The following DNM1L variants were observed in gnomAD, a reference collection of about 807,000 sequenced individuals.
DNM1L encodes the protein dynamin 1L, also known as dynamin-1-like protein.
Under a neutral mutation model 92.8 loss-of-function variants are expected in DNM1L, and 33 were observed. That is an observed-to-expected ratio of 0.36 (90% CI 0.27 to 0.48). The LOEUF (loss-of-function observed/expected upper bound fraction) is 0.48, where lower values mean the gene tolerates loss of function less well. Among genes scored for constraint, DNM1L ranks in the 20% least tolerant of loss-of-function variants. The pLI, the probability that DNM1L is intolerant of heterozygous loss-of-function variation, is 0.99. For synonymous variants in DNM1L, 284 were observed against 305.0 expected, an observed-to-expected ratio of 0.93 and a Z score of 0.72; for missense variants, 485 against 888.8, an observed-to-expected ratio of 0.55 and a Z score of 5.78.
At position 32,743,768 on chromosome 12, in the gene DNM1L, C is replaced by G. The variant is rs1955476920; in HGVS notation, c.*358C>G. 2 of 263,962 alleles carry G rather than the reference C, an allele frequency of 7.6e-6. No individual in the cohort carries two copies. The highest frequency in any genetic ancestry group is 1.1e-4 in the South Asian group (2 of 18,002). 16.4% of individuals were successfully genotyped at this position (263,962 alleles called of 1,614,324 possible). Reference sequence around the variant, plus strand: ...ATCTTTGTTAGTAGTCTTAAAGCTGCTGCCATAGTCCTCCAAGAAGAAAGC... The same window carrying G: ...ATCTTTGTTAGTAGTCTTAAAGCTGGTGCCATAGTCCTCCAAGAAGAAAGC... On this transcript the variant is annotated 3_prime_UTR_variant, in exon 20 of 20. Coordinates refer to ENST00000549701, the MANE Select transcript of DNM1L (RefSeq NM_012062.5).
intron 1 of DNM1L, among the ~76,000 whole-genome samples, chr12:32,698,836 A>G (rs1952577197): frequency 6.6e-6 from 1 of 152,070 alleles, no homozygotes; most frequent in Non-Finnish European, 1.5e-5. Flanking sequence ...GTAATTGGAT[A>G]TTGGTATTGT....
intron 1 of DNM1L, among the ~76,000 whole-genome samples, chr12:32,689,506 A>G (rs1230577172): frequency 1.3e-5 from 2 of 152,220 alleles, no homozygotes; most frequent in Non-Finnish European, 2.9e-5. Flanking sequence ...GCTGTTTTAA[A>G]TACCATAAGA....
intron 13 of DNM1L, 151 bp from the exon 14 acceptor site, chr12:32,736,954 A>C (rs566581320): frequency 1.4e-6 from 1 of 735,958 alleles, no homozygotes; most frequent in South Asian, 1.8e-5. Flanking sequence ...TTTCTTATTT[A>C]TTTTAAAATA....
intron 6 of DNM1L, among the ~76,000 whole-genome samples, chr12:32,716,797 C>T (rs1953402272): frequency 6.9e-6 from 1 of 145,496 alleles, no homozygotes; most frequent in Non-Finnish European, 1.5e-5. Flanking sequence ...TTTCACTACC[C>T]ATCTGAGAAA....
chr12:32,692,137 T>C (rs994941068), intron 1 of DNM1L, among the ~76,000 whole-genome samples: 6 of 152,148 alleles, frequency 3.9e-5, no homozygotes, highest in Non-Finnish European at 7.4e-5. Flanking sequence ...TTTTTCTTTT[T>C]GGGTGGTGAT....
chr12:32,722,642 G>T lies in DNM1L; in HGVS notation c.1079+9G>T. 6.2e-7 allele frequency: 1 copy of T among 1,607,288 alleles called. No individual in the cohort carries two copies. The highest frequency in any genetic ancestry group is 8.5e-7 in the Non-Finnish European group (1 of 1,176,362). On this transcript the variant is annotated intron_variant, in intron 9 of 19. Coordinates refer to ENST00000549701, the MANE Select transcript of DNM1L (RefSeq NM_012062.5). ...ATTGAAACTTCGGAGCTGTAAGTAA[G>T]AAATTTTTCTGTAGATTTGGTTACC...
intron 14 of DNM1L, 117 bp from the exon 15 acceptor site, chr12:32,737,748 C>G: frequency 2.5e-6 from 2 of 801,142 alleles, no homozygotes; most frequent in Non-Finnish European, 4.3e-6. Flanking sequence ...TGATTATTTT[C>G]ATCTTTCATG....
At chr12:32,725,468 G>A (rs1377341331) in intron 9 of DNM1L, 1 of 152,152 alleles carries the variant, frequency 6.6e-6, no homozygotes, top group Non-Finnish European at 1.5e-5. Context: ...CCTCACTGTG[G>A]TACCAGTAAC....
rs1319273972 is a variant in DNM1L at position 32,720,725 on chromosome 12, T to C, written c.802T>C (p.Phe268Leu). 1 of 1,613,926 alleles carries C rather than the reference T, an allele frequency of 6.2e-7. No individual in the cohort carries two copies. The highest frequency in any genetic ancestry group is 8.5e-7 in the Non-Finnish European group (1 of 1,179,914). The change falls in exon 8 of 20, where the codon TTT (phenylalanine) becomes CTT (leucine). Residue 268 changes from phenylalanine (F) to leucine (L), a missense_variant. This residue lies in a region of DNM1L where 159 missense variants were observed against 275.9 expected (regional missense o/e 0.58). Coordinates refer to ENST00000549701, the MANE Select transcript of DNM1L (RefSeq NM_012062.5). Reference sequence around the variant, plus strand: ...TGATTCAATCCGTGATGAGTATGCTTTTCTTCAAAAGAAATATCCATCTCT... The same window carrying C: ...TGATTCAATCCGTGATGAGTATGCTCTTCTTCAAAAGAAATATCCATCTCT... ...VTDSIRDEYA[F>L]LQKKYPSLAN...
At chr12:32,694,667 A>G (rs913096514) in intron 1 of DNM1L, among the ~76,000 whole-genome samples, 3 of 152,226 alleles carry the variant, frequency 2.0e-5, no homozygotes, top group Non-Finnish European at 1.5e-5. Context: ...AAAACAGAAC[A>G]AATAGGATAG....
At chr12:32,737,369 A>C (rs1227922761) in intron 14 of DNM1L, 3 of 546,512 alleles carry the variant, frequency 5.5e-6, no homozygotes, top group East Asian at 6.2e-5. Context: ...TAAATGCTTA[A>C]AAGTAGATTT....
chr12:32,732,291 G>A (rs1224810691), intron 12 of DNM1L, among the ~76,000 whole-genome samples: 1 of 152,186 alleles, frequency 6.6e-6, no homozygotes, highest in Non-Finnish European at 1.5e-5. Context: ...TCAGTAAACT[G>A]AGCATTTATA....
intron 19 of DNM1L, 49 bp downstream of exon 19, chr12:32,742,797 T>C: frequency 1.9e-6 from 3 of 1,601,592 alleles, no homozygotes; most frequent in Non-Finnish European, 8.5e-7. Flanking sequence ...GATAGAAACA[T>C]AGAAATAGTT....
Position 32,745,283 on chromosome 12 carries a change from G to A in DNM1L, c.*1873G>A. On this transcript the variant is annotated 3_prime_UTR_variant, in exon 20 of 20. Coordinates refer to ENST00000549701, the MANE Select transcript of DNM1L (RefSeq NM_012062.5). ...ATTCTAGTCCTTTGAATTTGTAAGG[G>A]GAAAAAAAACAAAAACAAAAACTTA... 9 of 205,222 alleles carry A rather than the reference G, an allele frequency of 4.4e-5. No homozygotes were observed. The highest frequency in any genetic ancestry group is 2.0e-3 in the Middle Eastern group (1 of 506). The allele number at this position is 205,222 out of a possible 1,614,324, so 12.7% of individuals were successfully genotyped here. A position where few individuals can be genotyped will look rare whatever the true frequency, so the allele number is the denominator to read the frequency against.
chr12:32,680,513 C>CGTTTGTTT (rs146651850), intron 1 of DNM1L, among the ~76,000 whole-genome samples: 5 of 151,972 alleles, frequency 3.3e-5, no homozygotes, highest in African/African-American at 1.2e-4. Flanking sequence ...ACCCTGTACT[C>CGTTTGTTT]GTTTGTTTGT....
chr12:32,685,097 G>A (rs1951953521), intron 1 of DNM1L, among the ~76,000 whole-genome samples: 1 of 150,390 alleles, frequency 6.6e-6, no homozygotes, highest in Non-Finnish European at 1.5e-5. Flanking sequence ...CCGCTACCAC[G>A]CCCAGCTAAT....
intron 1 of DNM1L, among the ~76,000 whole-genome samples, chr12:32,681,725 A>G (rs2137194671): frequency 6.6e-6 from 1 of 151,340 alleles, no homozygotes; most frequent in African/African-American, 2.4e-5. Flanking sequence ...ACATATATGT[A>G]TACCTCACAT....
At chr12:32,727,380 A>T (rs1168146622) in intron 9 of DNM1L, 3 of 776,094 alleles carry the variant, frequency 3.9e-6, no homozygotes, top group Non-Finnish European at 7.2e-6. Flanking sequence ...CCATGTTGTA[A>T]GAACTCCAAA....
intron 3 of DNM1L, 110 bp downstream of exon 3, chr12:32,707,523 A>G (rs1161922648): frequency 8.4e-6 from 6 of 712,186 alleles, no homozygotes; most frequent in East Asian, 6.1e-5. Flanking sequence ...TAAAGTAACT[A>G]TAACTATTCC....
Sources: allele counts gnomAD v4.1 joint callset (sites outside exome capture counted in the v4.1 genomes callset), GRCh38; gene constraint gnomAD v4.1.1; regional missense constraint gnomAD v4.1.1; transcripts MANE v1.5; gene names NCBI Gene and HGNC (gene_info 2026-07-23, HGNC 2026-07-21).